FARP1: variants seen among roughly 807,000 people sequenced by gnomAD.
The protein encoded by FARP1 is FERM, ARH/RhoGEF and pleckstrin domain protein 1.
FARP1 carries 52 observed loss-of-function variants against 128.8 expected under a neutral mutation model. The observed-to-expected ratio is 0.40, with a 90% CI of 0.32 to 0.51. The LOEUF (loss-of-function observed/expected upper bound fraction) is 0.51. Ranked by LOEUF, FARP1 falls within the 20% of genes least tolerant of loss-of-function variation. FARP1 has a pLI of 0.45. For missense variants in FARP1, 1,333 were observed against 1,367.9 expected, an observed-to-expected ratio of 0.97 and a Z score of 0.40; for synonymous variants, 580 against 551.8, an observed-to-expected ratio of 1.05 and a Z score of -0.72.
At chr13:98,199,003 A>G (rs1232195934) in intron 1 of FARP1, among the ~76,000 whole-genome samples, 2 of 47,770 alleles carry the variant, frequency 4.2e-5, no homozygotes, top group Non-Finnish European at 8.6e-5. Context: ...TACTGAGCCC[A>G]AGAATTTGAG....
chr13:98,446,729 G>A lies in FARP1; in HGVS notation c.2968G>A (p.Glu990Lys), dbSNP rs997755328. The change falls in exon 26 of 27, where the codon GAG (glutamate) becomes AAG (lysine). Residue 990 changes from glutamate to lysine, a missense_variant. By Grantham distance (56) the Glu-to-Lys change is moderately conservative. Around this residue, in one of 2 missense-constraint regions of FARP1, gnomAD observed 1,009 missense variants for 969.8 expected, o/e 1.04. Coordinates refer to ENST00000319562, the MANE Select transcript of FARP1 (RefSeq NM_005766.4). ...CTCGCTCACCATCCCCTCTGAGTCC[G>A]AGAACATCCAGAAAGACTACGTGTT... Reference protein sequence around the residue: ...GYSLTIPSESENIQKDYVFKL... With the variant: ...GYSLTIPSESKNIQKDYVFKL... 28 of 1,614,050 alleles carry A rather than the reference G, an allele frequency of 1.7e-5. No individual in the cohort carries two copies. Among genetic ancestry groups the A allele is most frequent in the South Asian group, 2.2e-5 (2 of 91,088 alleles).
intron 2 of FARP1, among the ~76,000 whole-genome samples, chr13:98,280,682 T>G (rs562902562): frequency 7.5e-4 from 115 of 152,328 alleles, no homozygotes; most frequent in African/African-American, 2.7e-3. Flanking sequence ...TTTGACAAAT[T>G]AATGAATTTT....
intron 5 of FARP1, among the ~76,000 whole-genome samples, chr13:98,371,340 C>T (rs1040101799): frequency 6.6e-6 from 1 of 151,646 alleles, no homozygotes; most frequent in African/African-American, 2.4e-5. Flanking sequence ...TCTGAAACTC[C>T]ATACAGCTGG....
chr13:98,291,891 G>C (rs1885466871), intron 2 of FARP1, among the ~76,000 whole-genome samples: 1 of 152,222 alleles, frequency 6.6e-6, no homozygotes, highest in Non-Finnish European at 1.5e-5. Context: ...TTTTCTTGGA[G>C]AGTGATTGTC....
intron 13 of FARP1, chr13:98,396,925 T>G: frequency 6.5e-6 from 1 of 154,158 alleles, no homozygotes; most frequent in Non-Finnish European, 1.4e-5. Flanking sequence ...GGGTTTCCCA[T>G]TCTCCCCTTC....
intron 4 of FARP1, 144 bp from the exon 5 acceptor site, chr13:98,367,973 T>A: frequency 3.2e-6 from 2 of 632,024 alleles, no homozygotes; most frequent in South Asian, 3.9e-5. Flanking sequence ...ACTTGGCCAG[T>A]TGTTAAGTGA....
intron 1 of FARP1, among the ~76,000 whole-genome samples, chr13:98,184,248 G>A (rs1357254997): frequency 6.6e-6 from 1 of 151,928 alleles, no homozygotes; most frequent in Non-Finnish European, 1.5e-5. Flanking sequence ...CTCCCAAGAA[G>A]CTGGGATTGT....
At chr13:98,284,905 C>A (rs1221506058) in intron 2 of FARP1, among the ~76,000 whole-genome samples, 2 of 152,156 alleles carry the variant, frequency 1.3e-5, no homozygotes, top group African/African-American at 4.8e-5. Flanking sequence ...TACGCATTTC[C>A]TATTAGACAG....
At chr13:98,327,397 A>G (rs556768585) in intron 2 of FARP1, among the ~76,000 whole-genome samples, 63 of 152,344 alleles carry the variant, frequency 4.1e-4, no homozygotes, top group Non-Finnish European at 8.1e-4. Context: ...GATGATACCT[A>G]CATAAAAGGG....
chr13:98,245,002 A>G, intron 2 of FARP1: 1 of 1,138,738 alleles, frequency 8.8e-7, no homozygotes, highest in Non-Finnish European at 1.1e-6. Context: ...GGGAAGATTC[A>G]TTTCTATTCC....
rs748241093 is a variant in FARP1, at chr13:98,395,367, G to A, written c.1305G>A (p.Ala435=). 3.7e-6 allele frequency: 6 copies of A among 1,611,972 alleles called. No homozygotes were observed. The highest frequency in any genetic ancestry group is 5.1e-6 in the Non-Finnish European group (6 of 1,179,182). Residue 435 remains alanine, a synonymous_variant, in exon 13 of 27, where the codon GCG becomes GCA. Transcript: ENST00000319562. ...HPSPAPRRSP[A]GNKQADGAAS... is the part of the protein sequence containing the mutation. ...GCCCTGCGCCGAGGAGAAGCCCCGC[G>A]GGTAACAAGCAGGCGGACGGAGCCG...
intron 8 of FARP1, among the ~76,000 whole-genome samples, chr13:98,388,114 CT>C (rs1890168497): frequency 1.3e-5 from 2 of 152,234 alleles, no homozygotes; most frequent in Middle Eastern, 3.4e-3. Context: ...TTCTATTTAT[CT>C]TTCTTTTCAT....
intron 2 of FARP1, among the ~76,000 whole-genome samples, chr13:98,216,327 G>T (rs766537238): frequency 2.6e-5 from 4 of 152,204 alleles, no homozygotes; most frequent in Non-Finnish European, 5.9e-5. Flanking sequence ...CTACAGGGTT[G>T]TGAGAGACTC....
intron 2 of FARP1, among the ~76,000 whole-genome samples, chr13:98,272,748 T>C (rs879930606): frequency 6.6e-6 from 1 of 152,194 alleles, no homozygotes; most frequent in Non-Finnish European, 1.5e-5. Flanking sequence ...CTACCCTGGC[T>C]TGAGCTCCTA....
chr13:98,406,926 C>T, intron 13 of FARP1: 1 of 152,782 alleles, frequency 6.5e-6, no homozygotes, highest in Non-Finnish European at 1.5e-5. Flanking sequence ...TCGGAGTGTG[C>T]TCCCCCTACT....
intron 2 of FARP1, among the ~76,000 whole-genome samples, chr13:98,220,385 G>T (rs187371865): frequency 6.6e-6 from 1 of 152,164 alleles, no homozygotes; most frequent in African/African-American, 2.4e-5. Context: ...TGCTTTTGCC[G>T]CCGCTTAAGC....
intron 17 of FARP1, among the ~76,000 whole-genome samples, chr13:98,425,944 G>A (rs558810449): frequency 6.6e-6 from 1 of 152,156 alleles, no homozygotes; most frequent in East Asian, 1.9e-4. Context: ...CAATCTTCCT[G>A]AATCTTAACT....
At chr13:98,205,106 T>A (rs1880190244) in intron 1 of FARP1, among the ~76,000 whole-genome samples, 1 of 152,252 alleles carries the variant, frequency 6.6e-6, no homozygotes, top group Admixed American at 6.5e-5. Flanking sequence ...CATACTTTAT[T>A]TGAACTTTTT....
chr13:98,412,788 A>G (rs560547087), intron 16 of FARP1, among the ~76,000 whole-genome samples: 5 of 152,364 alleles, frequency 3.3e-5, no homozygotes, highest in Admixed American at 1.3e-4. Flanking sequence ...GACAAATCCT[A>G]TGGCAGTTTT....
Sources: allele counts gnomAD v4.1 joint callset (sites outside exome capture counted in the v4.1 genomes callset), GRCh38; gene constraint gnomAD v4.1.1; regional missense constraint gnomAD v4.1.1; transcripts MANE v1.5; gene names NCBI Gene and HGNC (gene_info 2026-07-23, HGNC 2026-07-21).